The following TNR variants were observed in gnomAD, a reference collection of about 807,000 sequenced individuals.
The protein encoded by TNR is tenascin R.
TNR carries 45 observed loss-of-function variants against 150.4 expected under a neutral mutation model. The observed-to-expected ratio is 0.30, with a 90% CI of 0.24 to 0.38. The LOEUF (loss-of-function observed/expected upper bound fraction) is 0.38, where lower values mean the gene tolerates loss of function less well. Among genes scored for constraint, TNR ranks in the 10% least tolerant of loss-of-function variants. The pLI is 1.00. For synonymous variants in TNR, 687 were observed against 678.4 expected, an observed-to-expected ratio of 1.01 and a Z score of -0.20; for missense variants, 1,544 against 1,759.1, an observed-to-expected ratio of 0.88 and a Z score of 2.19.
At chr1:175,682,710 A>G (rs904468605) in intron 1 of TNR, among the ~76,000 whole-genome samples, 1 of 152,070 alleles carries the variant, frequency 6.6e-6, no homozygotes, top group Non-Finnish European at 1.5e-5. Context: ...TGCCTCGGTC[A>G]TGGACTGCTT....
intron 2 of TNR, among the ~76,000 whole-genome samples, chr1:175,436,554 C>A (rs1655519120): frequency 6.6e-6 from 1 of 152,138 alleles, no homozygotes; most frequent in Non-Finnish European, 1.5e-5. Flanking sequence ...TGTAAATGGG[C>A]TAAATGCCCC....
At chr1:175,499,310 T>C (rs1366915049) in intron 2 of TNR, among the ~76,000 whole-genome samples, 1 of 152,140 alleles carries the variant, frequency 6.6e-6, no homozygotes, top group Non-Finnish European at 1.5e-5. Context: ...AATTGACATG[T>C]TTGAGTATTT....
chr1:175,426,757 C>CGT (rs1339206326), intron 2 of TNR, among the ~76,000 whole-genome samples: 10 of 130,866 alleles, frequency 7.6e-5, no homozygotes, highest in African/African-American at 1.1e-4. Context: ...TCTATACACG[C>CGT]GTGTGTGTGT....
Position 175,621,049 on chromosome 1 carries a change from C to T in TNR, c.-164-92680G>A, listed in dbSNP as rs150087847. Among the ~76,000 whole-genome samples, 555 of 152,310 alleles carry T rather than the reference C, an allele frequency of 3.6e-3. 3 individuals carry two copies. The highest frequency in any genetic ancestry group is 0.014 in the Middle Eastern group (4 of 294). On this transcript the variant is annotated intron_variant, in intron 1 of 22. Coordinates refer to ENST00000367674, the MANE Select transcript of TNR (RefSeq NM_003285.3). ...TGACCACGCACCCCTCTTCCCTTTG[C>T]TATCGCTCTTGCCTTGATTCAGGAC...
intron 1 of TNR, among the ~76,000 whole-genome samples, chr1:175,697,936 CAG>C (rs1666582023): frequency 6.6e-6 from 1 of 152,236 alleles, no homozygotes; most frequent in African/African-American, 2.4e-5. Context: ...GTCCTGACTT[CAG>C]AGTCAGCCCT....
chr1:175,517,825 G>A (rs193012753), intron 2 of TNR, among the ~76,000 whole-genome samples: 1 of 152,240 alleles, frequency 6.6e-6, no homozygotes, highest in Admixed American at 6.5e-5. Context: ...TGTGTGATGT[G>A]GGTCTGGGAT....
chr1:175,581,631 T>C (rs1662353123), intron 1 of TNR, among the ~76,000 whole-genome samples: 1 of 152,230 alleles, frequency 6.6e-6, no homozygotes, highest in Non-Finnish European at 1.5e-5. Context: ...GCTCATTGTC[T>C]TTGACTTCAC....
intron 21 of TNR, 47 bp downstream of exon 21, chr1:175,330,027 T>A: frequency 2.1e-6 from 3 of 1,448,538 alleles, no homozygotes; most frequent in Non-Finnish European, 1.8e-6. Context: ...TGGGGGCTCT[T>A]GTCCCATGCC....
chr1:175,345,281 C>T (rs1650727054), intron 18 of TNR, among the ~76,000 whole-genome samples: 1 of 152,118 alleles, frequency 6.6e-6, no homozygotes. Flanking sequence ...TGGCCTTTTT[C>T]TAATACCTGC....
chr1:175,416,680 A>G (rs2102057715), intron 2 of TNR, among the ~76,000 whole-genome samples: 1 of 152,282 alleles, frequency 6.6e-6, no homozygotes. Flanking sequence ...TTTCCTGCCC[A>G]CACTCCTTAG....
chr1:175,583,592 C>T (rs1662448908), intron 1 of TNR, among the ~76,000 whole-genome samples: 1 of 152,154 alleles, frequency 6.6e-6, no homozygotes, highest in Non-Finnish European at 1.5e-5. Context: ...TGGGAGACTG[C>T]ATGGACTGGT....
chr1:175,340,702 A>G (rs1328622614), intron 18 of TNR, among the ~76,000 whole-genome samples: 4 of 152,158 alleles, frequency 2.6e-5, no homozygotes, highest in African/African-American at 9.7e-5. Flanking sequence ...CTAGATTTGA[A>G]CCTTCTCTTT....
chr1:175,591,399 A>T (rs946344242), intron 1 of TNR, among the ~76,000 whole-genome samples: 1 of 152,114 alleles, frequency 6.6e-6, no homozygotes, highest in African/African-American at 2.4e-5. Flanking sequence ...GGCACTTCAA[A>T]CCCTGTGGAA....
chr1:175,613,978 G>A (rs1663685030), intron 1 of TNR, among the ~76,000 whole-genome samples: 1 of 152,118 alleles, frequency 6.6e-6, no homozygotes, highest in Non-Finnish European at 1.5e-5. Flanking sequence ...CCATTTACTA[G>A]CTATGTGGTC....
intron 2 of TNR, among the ~76,000 whole-genome samples, chr1:175,497,192 T>C (rs971076840): frequency 2.6e-5 from 4 of 152,336 alleles, no homozygotes; most frequent in African/African-American, 9.6e-5. Context: ...CCAGAACGCA[T>C]ACTTTGCGGC....
chr1:175,563,807 A>G (rs970795632), intron 1 of TNR, among the ~76,000 whole-genome samples: 11 of 152,180 alleles, frequency 7.2e-5, no homozygotes, highest in African/African-American at 2.4e-4. Context: ...CTATTTTCCA[A>G]TCAACTGTGA....
chr1:175,632,773 G>A (rs1276307299), intron 1 of TNR, among the ~76,000 whole-genome samples: 2 of 152,088 alleles, frequency 1.3e-5, no homozygotes, highest in African/African-American at 2.4e-5. Context: ...GGAAGTTGGC[G>A]ACCTGCCTAG....
chr1:175,371,273 A>G (rs1293334260), intron 9 of TNR, among the ~76,000 whole-genome samples: 1 of 152,198 alleles, frequency 6.6e-6, no homozygotes, highest in African/African-American at 2.4e-5. Context: ...AATTCATCCC[A>G]TAGGAAATCA....
intron 2 of TNR, among the ~76,000 whole-genome samples, chr1:175,504,988 T>C (rs554730929): frequency 1.2e-3 from 181 of 152,266 alleles, no homozygotes; most frequent in Non-Finnish European, 2.2e-3. Flanking sequence ...AACAGATCCC[T>C]TTCTCACGGT....
Sources: allele counts gnomAD v4.1 joint callset (sites outside exome capture counted in the v4.1 genomes callset), GRCh38; gene constraint gnomAD v4.1.1; transcripts MANE v1.5; gene names NCBI Gene and HGNC (gene_info 2026-07-23, HGNC 2026-07-21).